TCF12: variants seen among roughly 807,000 people sequenced by gnomAD.
TCF12 encodes DNA-binding protein HTF4.
TCF12 carries 45 observed loss-of-function variants against 86.0 expected under a neutral mutation model. The ratio of observed to expected loss-of-function variants is 0.52; its 90% CI spans 0.41 to 0.67. The LOEUF (loss-of-function observed/expected upper bound fraction) is 0.67. Among genes scored for constraint, TCF12 ranks in the 30% least tolerant of loss-of-function variants. TCF12 has a pLI of 0.00. For synonymous variants in TCF12, 330 were observed against 299.6 expected (o/e 1.10, Z -1.05); for missense variants, 881 against 859.9 (o/e 1.02, Z -0.31).
intron 3 of TCF12, among the ~76,000 whole-genome samples, chr15:57,060,628 A>G (rs1308188239): frequency 6.6e-6 from 1 of 152,214 alleles, no homozygotes; most frequent in East Asian, 1.9e-4. Context: ...ATTCGCATGC[A>G]TATACTAGAA....
At chr15:57,236,845 A>G (rs1186473105) in intron 12 of TCF12, among the ~76,000 whole-genome samples, 2 of 150,982 alleles carry the variant, frequency 1.3e-5, no homozygotes, top group African/African-American at 4.8e-5. Flanking sequence ...ATAAAAAAAA[A>G]GAAAAAAAAA....
At chr15:57,211,291 G>A (rs1300876841) in intron 8 of TCF12, among the ~76,000 whole-genome samples, 1 of 152,142 alleles carries the variant, frequency 6.6e-6, no homozygotes, top group African/African-American at 2.4e-5. Flanking sequence ...GGAGCAGGGA[G>A]CAGTGGCCCA....
At chr15:57,129,779 C>T (rs1408285728) in intron 5 of TCF12, 7 of 152,208 alleles carry the variant, frequency 4.6e-5, no homozygotes, top group Admixed American at 1.3e-4. Context: ...CATTCCTTCT[C>T]CAGTTTCACA....
chr15:57,030,993 T>C (rs16977201), intron 3 of TCF12, among the ~76,000 whole-genome samples: 12,610 of 152,278 alleles, frequency 0.083, 887 homozygotes, highest in Admixed American at 0.19. Flanking sequence ...GCCAACCACT[T>C]GACTTGCCAT....
Position 57,208,413 on chromosome 15 carries a change from C to T in TCF12, c.579+10588C>T, listed in dbSNP as rs1173725797. Among the ~76,000 whole-genome samples the T allele has an allele frequency of 8.5e-5, 6 of 71,000 alleles. No homozygotes were observed. The Admixed American group carries it at 9.8e-4, about 12-fold the overall frequency. The allele number at this position is 71,000 out of a possible 152,430, so 46.6% of individuals were successfully genotyped here. On this transcript the variant is annotated intron_variant, in intron 8 of 20. Transcript: ENST00000333725. ...TTTTTTTTTTTTGGAGACAGAGTCT[C>T]ACTCTGTCACCCAGGCTGGAGTGCA...
intron 12 of TCF12, among the ~76,000 whole-genome samples, chr15:57,241,219 C>T (rs973293454): frequency 1.3e-5 from 2 of 151,920 alleles, no homozygotes; most frequent in African/African-American, 2.4e-5. Context: ...TCAGACCCCG[C>T]GAGTAGCTGG....
At chr15:57,066,162 T>C (rs991414329) in intron 4 of TCF12, among the ~76,000 whole-genome samples, 4 of 152,182 alleles carry the variant, frequency 2.6e-5, no homozygotes, top group Admixed American at 2.6e-4. Context: ...CCCTCAGTAC[T>C]ACTTTATAGG....
chr15:57,198,962 A>G (rs911488826), intron 8 of TCF12, among the ~76,000 whole-genome samples: 2 of 152,100 alleles, frequency 1.3e-5, no homozygotes, highest in African/African-American at 2.4e-5. Flanking sequence ...TGCCTTCTCT[A>G]CCGTGTGATA....
intron 3 of TCF12, among the ~76,000 whole-genome samples, chr15:56,926,270 G>GC (rs2060010163): frequency 6.6e-6 from 1 of 150,700 alleles, no homozygotes; most frequent in South Asian, 2.1e-4. Flanking sequence ...CCGAGATTGT[G>GC]CCACGGCACT....
At chr15:57,181,285 T>G (rs1022974470) in intron 6 of TCF12, among the ~76,000 whole-genome samples, 2 of 152,104 alleles carry the variant, frequency 1.3e-5, no homozygotes, top group Non-Finnish European at 2.9e-5. Flanking sequence ...TTTTTTGGTC[T>G]CACTGTGTTC....
At chr15:56,979,894 T>C (rs1278456584) in intron 3 of TCF12, among the ~76,000 whole-genome samples, 1 of 152,224 alleles carries the variant, frequency 6.6e-6, no homozygotes, top group Admixed American at 6.5e-5. Context: ...CTCTGTGTAA[T>C]GTAACTGAAA....
At position 57,289,782 on chromosome 15, in the gene TCF12, C is replaced by T. The variant is rs1007704332; in HGVS notation, c.*3637C>T. ...TGAATGAAACAATGTATGGAAAGCT[C>T]TTATGGTTCTTGTCACCTAAGAAGT... On this transcript the variant is annotated 3_prime_UTR_variant, in exon 21 of 21. Transcript: ENST00000333725. 2 of 152,166 alleles carry T rather than the reference C, an allele frequency of 1.3e-5. No homozygotes were observed. The highest frequency in any genetic ancestry group is 1.3e-4 in the Admixed American group (2 of 15,280). The allele number at this position is 152,166 out of a possible 1,614,324, so 9.4% of individuals were successfully genotyped here.
intron 13 of TCF12, 138 bp downstream of exon 13, chr15:57,243,688 G>A (rs535795865): frequency 1.5e-6 from 1 of 660,886 alleles, no homozygotes; most frequent in African/African-American, 1.8e-5. Flanking sequence ...TGTAAAGAGA[G>A]CCTTCCTCTT....
intron 6 of TCF12, among the ~76,000 whole-genome samples, chr15:57,170,666 TA>T (rs1567557650): frequency 1.9e-4 from 5 of 25,852 alleles, no homozygotes; most frequent in Non-Finnish European, 2.8e-4. Flanking sequence ...ATAAAATATA[TA>T]TATATATAAT....
chr15:57,156,983 T>TA (rs2054154804), intron 5 of TCF12, among the ~76,000 whole-genome samples: 1 of 152,230 alleles, frequency 6.6e-6, no homozygotes, highest in Non-Finnish European at 1.5e-5. Context: ...AATACTGAGA[T>TA]ACATTAATGT....
chr15:56,972,374 CA>C (rs2062383058), intron 3 of TCF12, among the ~76,000 whole-genome samples: 1 of 152,162 alleles, frequency 6.6e-6, no homozygotes, highest in African/African-American at 2.4e-5. Flanking sequence ...ATCTAGGAGA[CA>C]ACCTAGTTGT....
At chr15:56,958,386 A>G (rs1470237470) in intron 3 of TCF12, among the ~76,000 whole-genome samples, 1 of 151,792 alleles carries the variant, frequency 6.6e-6, no homozygotes, top group East Asian at 1.9e-4. Flanking sequence ...TATTTCATTT[A>G]TTTTCTCCAT....
intron 8 of TCF12, among the ~76,000 whole-genome samples, chr15:57,226,774 G>A (rs961097024): frequency 5.9e-5 from 9 of 151,972 alleles, no homozygotes; most frequent in Middle Eastern, 3.2e-3. Flanking sequence ...TTAAACTGCC[G>A]GATAAGAAGG....
intron 3 of TCF12, among the ~76,000 whole-genome samples, chr15:56,935,305 C>T (rs2060420192): frequency 6.6e-6 from 1 of 152,054 alleles, no homozygotes; most frequent in South Asian, 2.1e-4. Flanking sequence ...AATTTATTTT[C>T]TCACAGTTTT....
Sources: gnomAD v4.1 joint callset for allele counts (sites outside exome capture counted in the v4.1 genomes callset) on GRCh38, gnomAD v4.1.1 for gene constraint, MANE v1.5 for transcripts, NCBI Gene and HGNC (gene_info 2026-07-23, HGNC 2026-07-21) for gene names.